The following PHACTR1 variants were observed in gnomAD, a reference collection of about 807,000 sequenced individuals.
The protein encoded by PHACTR1 is RPEL repeat containing 1.
Under a neutral mutation model 69.2 loss-of-function variants are expected in PHACTR1, and 16 were observed. The observed-to-expected ratio is 0.23, with a 90% confidence interval of 0.16 to 0.35. The LOEUF is 0.35. Ranked by LOEUF, PHACTR1 falls within the 10% of genes least tolerant of loss-of-function variation. The probability of loss-of-function intolerance (pLI) is 1.00; values close to 1 mark genes in which losing one functional copy is unlikely to be tolerated. For synonymous variants in PHACTR1, 312 were observed against 284.5 expected (o/e 1.10, Z -0.97); for missense variants, 510 against 734.7 (o/e 0.69, Z 3.54).
At chr6:12,799,670 C>CT (rs1032154702) in intron 4 of PHACTR1, among the ~76,000 whole-genome samples, 2 of 152,114 alleles carry the variant, frequency 1.3e-5, no homozygotes, top group African/African-American at 4.8e-5. Context: ...TGTCAATAAC[C>CT]TTGGTAGTCT....
At chr6:12,768,096 A>T in intron 4 of PHACTR1, among the ~76,000 whole-genome samples, 1 of 150,986 alleles carries the variant, frequency 6.6e-6, no homozygotes, top group African/African-American at 2.4e-5. Flanking sequence ...ATCTCTTAGA[A>T]CACTATCAAA....
At chr6:13,158,491 A>G (rs1037905371) in intron 5 of PHACTR1, among the ~76,000 whole-genome samples, 1 of 152,228 alleles carries the variant, frequency 6.6e-6, no homozygotes, top group African/African-American at 2.4e-5. Flanking sequence ...AGTGCATTCT[A>G]ACCTAACATT....
At chr6:12,776,303 C>T (rs1252887881) in intron 4 of PHACTR1, among the ~76,000 whole-genome samples, 1 of 152,204 alleles carries the variant, frequency 6.6e-6, no homozygotes, top group East Asian at 1.9e-4. Flanking sequence ...ACACACTCCT[C>T]ATTACCGTTT....
At chr6:12,944,671 G>T (rs1790412665) in intron 4 of PHACTR1, among the ~76,000 whole-genome samples, 1 of 152,196 alleles carries the variant, frequency 6.6e-6, no homozygotes, top group Non-Finnish European at 1.5e-5. Flanking sequence ...CACCCACTTT[G>T]CAAGCTAGGT....
intron 4 of PHACTR1, among the ~76,000 whole-genome samples, chr6:12,756,398 C>T (rs191870311): frequency 1.9e-4 from 29 of 152,148 alleles, no homozygotes; most frequent in South Asian, 6.2e-4. Context: ...GATGTGATTT[C>T]GGGGTGGGGG....
intron 5 of PHACTR1, among the ~76,000 whole-genome samples, chr6:13,056,659 G>A (rs772490242): frequency 2.0e-5 from 3 of 152,168 alleles, no homozygotes; most frequent in East Asian, 1.9e-4. Context: ...GAAATGGTCA[G>A]TACTTAACTC....
intron 4 of PHACTR1, among the ~76,000 whole-genome samples, chr6:12,874,988 A>C (rs1338998870): frequency 6.6e-6 from 1 of 152,196 alleles, no homozygotes; most frequent in East Asian, 1.9e-4. Flanking sequence ...CTGGTATTCA[A>C]ATGTGTTTAT....
intron 10 of PHACTR1, among the ~76,000 whole-genome samples, chr6:13,239,669 C>T (rs1772533606): frequency 6.6e-6 from 1 of 152,214 alleles, no homozygotes; most frequent in African/African-American, 2.4e-5. Context: ...GACCTACAGC[C>T]ATTGAACATG....
At chr6:13,237,734 C>G (rs565340572) in intron 10 of PHACTR1, among the ~76,000 whole-genome samples, 33 of 152,342 alleles carry the variant, frequency 2.2e-4, no homozygotes, top group African/African-American at 7.2e-4. Flanking sequence ...GTGTGGCCAT[C>G]ATGAAGTGTA....
At position 13,179,144 on chromosome 6, in the gene PHACTR1, G is replaced by A. The variant is rs1761812358; in HGVS notation, c.497-3375G>A. 6.6e-6 allele frequency among the ~76,000 whole-genome samples: 1 copy of A among 152,100 alleles called. No individual in the cohort carries two copies. Among genetic ancestry groups the A allele is most frequent in the African/African-American group, 2.4e-5 (1 of 41,404 alleles). On this transcript the variant is annotated intron_variant, in intron 6 of 14. Transcript: ENST00000332995. The surrounding 1 kb of genome is among the most constrained non-coding windows in gnomAD (Gnocchi z 4.2). ...CCAGCTACTCTGGGGGCTGAGGTGA[G>A]AGTATCACTTGAGCCTGGGAGATGG...
At chr6:12,903,633 G>A (rs1370785572) in intron 4 of PHACTR1, among the ~76,000 whole-genome samples, 1 of 152,144 alleles carries the variant, frequency 6.6e-6, no homozygotes, top group African/African-American at 2.4e-5. Context: ...TAATAACTCA[G>A]TACATAATCA....
intron 4 of PHACTR1, among the ~76,000 whole-genome samples, chr6:12,966,160 T>C (rs1463284123): frequency 6.6e-6 from 1 of 151,682 alleles, no homozygotes; most frequent in East Asian, 1.9e-4. Context: ...GGCCTGAGAG[T>C]CAAGGTTGCA....
chr6:13,083,736 G>C (rs1341527472), intron 5 of PHACTR1, among the ~76,000 whole-genome samples: 2 of 151,902 alleles, frequency 1.3e-5, no homozygotes, highest in Non-Finnish European at 2.9e-5. Context: ...TCATGATTTG[G>C]CTCTCTGTTT....
intron 5 of PHACTR1, among the ~76,000 whole-genome samples, chr6:13,144,258 A>C (rs1822943879): frequency 6.6e-6 from 1 of 152,224 alleles, no homozygotes; most frequent in African/African-American, 2.4e-5. Flanking sequence ...ATTGAAAGCA[A>C]TAAATAAAAC....
chr6:13,037,096 G>C (rs1024151334), intron 4 of PHACTR1, among the ~76,000 whole-genome samples: 1 of 152,136 alleles, frequency 6.6e-6, no homozygotes, highest in African/African-American at 2.4e-5. Flanking sequence ...AATGAGGCAG[G>C]CTCCAGGCCT....
chr6:12,867,045 G>A (rs775927951), intron 4 of PHACTR1, among the ~76,000 whole-genome samples: 1 of 152,162 alleles, frequency 6.6e-6, no homozygotes, highest in Non-Finnish European at 1.5e-5. Flanking sequence ...GAGAGAGAGA[G>A]AGAAGTTCAC....
chr6:13,281,175 T>C, intron 12 of PHACTR1: 1 of 1,238,936 alleles, frequency 8.1e-7, no homozygotes, highest in Middle Eastern at 2.2e-4. Flanking sequence ...GATAGGACAT[T>C]AGTAAAATCC....
chr6:13,221,842 C>G (rs1768697298), intron 8 of PHACTR1, among the ~76,000 whole-genome samples: 1 of 152,166 alleles, frequency 6.6e-6, no homozygotes, highest in African/African-American at 2.4e-5. Context: ...TCAAGACCAG[C>G]CTGGCCAAGA....
At chr6:12,824,899 C>T (rs576530363) in intron 4 of PHACTR1, among the ~76,000 whole-genome samples, 1 of 152,260 alleles carries the variant, frequency 6.6e-6, no homozygotes, top group African/African-American at 2.4e-5. Flanking sequence ...CCACAGTGAC[C>T]TTGGGCAGGT....
Sources: allele counts gnomAD v4.1 joint callset (sites outside exome capture counted in the v4.1 genomes callset), GRCh38; gene constraint gnomAD v4.1.1; non-coding constraint Gnocchi (gnomAD v3.1); transcripts MANE v1.5; gene names NCBI Gene and HGNC (gene_info 2026-07-23, HGNC 2026-07-21).